Variants in DRP2 observed in about 807,000 individuals in gnomAD.
DRP2 encodes dystrophin-related protein 2.
Under a neutral mutation model 78.2 loss-of-function variants are expected in DRP2, and 29 were observed. The observed-to-expected ratio is 0.37, with a 90% CI of 0.28 to 0.51. DRP2 has a LOEUF of 0.51. DRP2 is among the 20% of genes least tolerant of loss of function. The pLI, the probability that DRP2 is intolerant of heterozygous loss-of-function variation, is 0.94. For missense variants in DRP2, 686 were observed against 770.6 expected, an observed-to-expected ratio of 0.89 and a Z score of 1.30; for synonymous variants, 290 against 281.9, an observed-to-expected ratio of 1.03 and a Z score of -0.29.
Position 101,222,814 on chromosome X carries a change from A to G in DRP2, c.-166-1790A>G, listed in dbSNP as rs746568071. 6.3e-5 allele frequency among the ~76,000 whole-genome samples: 7 copies of G among 111,890 alleles called. No individual in the cohort carries two copies. The South Asian group carries it at 2.6e-3, about 42-fold the overall frequency. On this transcript the variant is annotated intron_variant, in intron 1 of 23. Transcript: ENST00000395209. ...CCAGTAGAGTTGAAACCTTCTGTCT[A>G]TTCTCCATGATTAAAGTTCTCTCTT...
Position 101,248,332 on chromosome X carries a change from A to G in DRP2, c.1454+42A>G, listed in dbSNP as rs749637941. 13 of 1,174,783 alleles carry G rather than the reference A, an allele frequency of 1.1e-5. No homozygotes were observed. The East Asian group carries it at 3.6e-4, about 32-fold the overall frequency. On this transcript the variant is annotated intron_variant, in intron 13 of 23. Coordinates refer to ENST00000395209, the MANE Select transcript of DRP2 (RefSeq NM_001939.3). Reference sequence around the variant, plus strand: ...CTGGAAGCCTCCAGGATAAAATTCAATGGGATATCTCAAGTGGGCCTGGTG... The same window carrying G: ...CTGGAAGCCTCCAGGATAAAATTCAGTGGGATATCTCAAGTGGGCCTGGTG...
At position 101,241,759 on chromosome X, in the gene DRP2, C is replaced by T. The variant is rs751957410; in HGVS notation, c.651C>T (p.Ala217=). ...GTGAACTGTGGGAGAAGTTGACAGC[C>T]CGCTGTGTGGACCAGCACCGTCACA... ...VASELWEKLT[A]RCVDQHRHIE... The change falls in exon 7 of 24, where the codon GCC becomes GCT. Residue 217 remains alanine, a synonymous_variant. Transcript: ENST00000395209. The T allele has an allele frequency of 1.7e-6, 2 of 1,211,766 alleles. No homozygotes were observed. Among genetic ancestry groups the T allele is most frequent in the East Asian group, 3.0e-5 (1 of 33,855 alleles).
intron 2 of DRP2, among the ~76,000 whole-genome samples, chrX:101,230,481 G>A (rs951803488): frequency 5.4e-5 from 6 of 111,276 alleles, no homozygotes; most frequent in African/African-American, 2.0e-4. Context: ...AGCTGAGATC[G>A]CGCCACTGCA....
chrX:101,250,861 T>C (rs1335323281), intron 15 of DRP2, 56 bp from the exon 16 acceptor site: 1 of 1,183,751 alleles, frequency 8.4e-7, no homozygotes, highest in Non-Finnish European at 1.1e-6. Context: ...GCTGCCATTC[T>C]AGGGATAAGA....
intron 6 of DRP2, among the ~76,000 whole-genome samples, chrX:101,240,333 C>CCAGCCT (rs59026909): frequency 0.46 from 49,816 of 108,554 alleles, 9,131 homozygotes; most frequent in East Asian, 0.89. Flanking sequence ...AAGCTATCCT[C>CCAGCCT]CAGCCTCAGC....
Position 101,263,632 on chromosome X carries a change from G to C in DRP2, c.*3011G>C, listed in dbSNP as rs1363480564. ...CATCAGGCTGTGCTATGCTTCCCTA[G>C]GGAGGACATGTGCCCTTCCCTCCAG... On this transcript the variant is annotated 3_prime_UTR_variant, in exon 24 of 24. Coordinates refer to ENST00000395209, the MANE Select transcript of DRP2 (RefSeq NM_001939.3). The C allele has an allele frequency of 8.9e-6, 1 of 112,051 alleles. No homozygotes were observed. The highest frequency in any genetic ancestry group is 1.9e-5 in the Non-Finnish European group (1 of 53,182). 9.2% of individuals were successfully genotyped at this position (112,051 alleles called of 1,213,427 possible). A position where few individuals can be genotyped will look rare whatever the true frequency, so the allele number is the denominator to read the frequency against.
chrX:101,252,588 A>G lies in DRP2; in HGVS notation c.1866-17A>G. On this transcript the variant is annotated splice_polypyrimidine_tract_variant and intron_variant, in intron 16 of 23. Coordinates refer to ENST00000395209, the MANE Select transcript of DRP2 (RefSeq NM_001939.3). ...CACGTTGGACTCTCTTTCCTACTAC[A>G]TCTCCTCTCCCCCAAGGTACCGGAG... is the stretch of plus-strand genomic sequence containing the variant. 8.4e-7 allele frequency: 1 copy of G among 1,196,414 alleles called. No individual in the cohort carries two copies. Among genetic ancestry groups the G allele is most frequent in the Non-Finnish European group, 1.1e-6 (1 of 882,083 alleles).
chrX:101,225,395 T>A (rs1297327498), intron 2 of DRP2, among the ~76,000 whole-genome samples: 1 of 111,524 alleles, frequency 9.0e-6, no homozygotes, highest in African/African-American at 3.3e-5. Context: ...AAATAACTTG[T>A]ATTCTGAGAC....
chrX:101,235,849 T>C lies in DRP2; in HGVS notation c.118-11T>C, dbSNP rs1922479762. 5.8e-6 allele frequency: 7 copies of C among 1,198,093 alleles called. No individual in the cohort carries two copies. The highest frequency in any genetic ancestry group is 7.9e-6 in the Non-Finnish European group (7 of 887,878). On this transcript the variant is annotated splice_polypyrimidine_tract_variant and intron_variant, in intron 3 of 23. Coordinates refer to ENST00000395209, the MANE Select transcript of DRP2 (RefSeq NM_001939.3). ...ATCCAAGGATCACAGGATGTTTGTG[T>C]TTCTGTCCAGGTTAGAGCTGCTGTC...
intron 1 of DRP2, among the ~76,000 whole-genome samples, chrX:101,224,047 A>T (rs1382802190): frequency 9.2e-6 from 1 of 109,200 alleles, no homozygotes; most frequent in African/African-American, 3.3e-5. Flanking sequence ...GTTACCTTGG[A>T]TTGGGGAGAG....
chrX:101,253,733 T>C lies in DRP2; in HGVS notation c.1978-692T>C. 3.7e-5 allele frequency among the ~76,000 whole-genome samples: 4 copies of C among 108,525 alleles called. No homozygotes were observed. The Middle Eastern group carries it at 0.019, about 507-fold the overall frequency. 94.2% of individuals were successfully genotyped at this position (108,525 alleles called of 115,157 possible). A position where few individuals can be genotyped will look rare whatever the true frequency, so the allele number is the denominator to read the frequency against. ...CACAATCCATCTGTCCAAGCTTTCA[T>C]CTCTTCAAATCCTGTTGACACAGAA... On this transcript the variant is annotated intron_variant, in intron 17 of 23. Coordinates refer to ENST00000395209, the MANE Select transcript of DRP2 (RefSeq NM_001939.3).
At chrX:101,256,715 A>ATT (rs35411558) in intron 21 of DRP2, among the ~76,000 whole-genome samples, 4 of 94,609 alleles carry the variant, frequency 4.2e-5, no homozygotes, top group African/African-American at 7.9e-5. Flanking sequence ...TGCCTGGCTA[A>ATT]TTTTTTTTTT....
At chrX:101,224,194 T>TTGTTTTG (rs1922013691) in intron 1 of DRP2, among the ~76,000 whole-genome samples, 25 of 45,734 alleles carry the variant, frequency 5.5e-4, no homozygotes, top group Non-Finnish European at 7.1e-4. Context: ...TTTTTTTGTT[T>TTGTTTTG]TTTTTTTTTT....
chrX:101,222,111 G>A (rs1026941932), intron 1 of DRP2, among the ~76,000 whole-genome samples: 4 of 110,930 alleles, frequency 3.6e-5, no homozygotes, highest in Admixed American at 9.6e-5. Context: ...ATACTTTTTT[G>A]GAAATGCTTC....
At chrX:101,225,918 T>A (rs1263179779) in intron 2 of DRP2, among the ~76,000 whole-genome samples, 1 of 112,097 alleles carries the variant, frequency 8.9e-6, no homozygotes. Context: ...TATGTACTTT[T>A]ATAGGTATAT....
Position 101,237,633 on chromosome X carries a change from CCTT to C in DRP2, c.299_301del (p.Phe100del). On this transcript the variant is annotated inframe_deletion, in exon 5 of 24. Coordinates refer to ENST00000395209, the MANE Select transcript of DRP2 (RefSeq NM_001939.3). Reference sequence around the variant, plus strand: ...ATTGTGTGCAGCGCTCGCCTAGAGGCCTTCTCAGACCACAGTGGAAAGCTTCAG... The same window carrying C: ...ATTGTGTGCAGCGCTCGCCTAGAGGCCTCAGACCACAGTGGAAAGCTTCAG... The C allele has an allele frequency of 8.9e-7, 1 of 1,128,486 alleles. No individual in the cohort carries two copies. Among genetic ancestry groups the C allele is most frequent in the Non-Finnish European group, 1.2e-6 (1 of 844,582 alleles). The allele number at this position is 1,128,486 out of a possible 1,213,427, so 93.0% of individuals were successfully genotyped here.
rs1366311659 is a variant in DRP2 at position 101,254,863 on chromosome X, G to A, written c.2119G>A (p.Ala707Thr). 8.3e-7 allele frequency: 1 copy of A among 1,211,995 alleles called. No homozygotes were observed. The highest frequency in any genetic ancestry group is 1.7e-5 in the African/African-American group (1 of 57,861). ...VLEADYSETP[A>T]SSPMWPHADT... Reference sequence around the variant, plus strand: ...GTCTTTGCTGCTTTCTTCTAGGCCGGCTTCTTCCCCGATGTGGCCACACGC... The same window carrying A: ...GTCTTTGCTGCTTTCTTCTAGGCCGACTTCTTCCCCGATGTGGCCACACGC... Residue 707 changes from alanine to threonine, a missense_variant, in exon 19 of 24, where the codon GCT becomes ACT. Physicochemically the swap from Ala to Thr is moderately conservative, Grantham distance 58. Around this residue, in one of 2 missense-constraint regions of DRP2, gnomAD observed 423 missense variants for 531.5 expected, o/e 0.80. Transcript: ENST00000395209.
intron 6 of DRP2, 39 bp downstream of exon 6, chrX:101,239,140 A>G: frequency 9.3e-6 from 11 of 1,188,135 alleles, no homozygotes; most frequent in Non-Finnish European, 1.2e-5. Flanking sequence ...TTCTTGAGCC[A>G]TGTACTGCTG....
intron 14 of DRP2, 67 bp downstream of exon 14, chrX:101,248,666 GGT>G: frequency 2.0e-6 from 2 of 991,397 alleles, no homozygotes; most frequent in Non-Finnish European, 2.8e-6. Flanking sequence ...GAGGAGGAAG[GGT>G]GTAAGATAAG....
Sources: allele counts gnomAD v4.1 joint callset (sites outside exome capture counted in the v4.1 genomes callset), GRCh38; gene constraint gnomAD v4.1.1; regional missense constraint gnomAD v4.1.1; transcripts MANE v1.5; gene names NCBI Gene and HGNC (gene_info 2026-07-23, HGNC 2026-07-21).